Variants in CACNA1D observed in about 807,000 individuals in gnomAD.
The protein encoded by CACNA1D is voltage-dependent L-type calcium channel subunit alpha-1D.
A neutral mutation model predicts 257.1 loss-of-function variants in CACNA1D; 55 were observed. That is an observed-to-expected ratio of 0.21 (90% confidence interval 0.17 to 0.27). The LOEUF is 0.27. CACNA1D is among the 10% of genes least tolerant of loss of function. The probability of loss-of-function intolerance (pLI) is 1.00; values close to 1 mark genes in which losing one functional copy is unlikely to be tolerated. For missense variants in CACNA1D, 1,876 were observed against 2,784.0 expected (o/e 0.67, Z 7.34); for synonymous variants, 980 against 1,014.9 (o/e 0.97, Z 0.65).
chr3:53,726,828 G>A (rs540809681), intron 14 of CACNA1D, 51 bp from the exon 15 acceptor site: 19 of 1,613,908 alleles, frequency 1.2e-5, no homozygotes, highest in South Asian at 7.7e-5. Flanking sequence ...CTAAGAGAGC[G>A]GCTGCAATTT....
chr3:53,755,636 T>C lies in CACNA1D; in HGVS notation c.3786+1954T>C, dbSNP rs574907235. Among the ~76,000 whole-genome samples, 6 of 152,262 alleles carry C rather than the reference T, an allele frequency of 3.9e-5. No homozygotes were observed. In the East Asian group the frequency reaches 9.6e-4, roughly 24 times the overall value. On this transcript the variant is annotated intron_variant, in intron 29 of 47. Transcript: ENST00000350061. Reference sequence around the variant, plus strand: ...TTCATAGCATTAGACAACCTCACGTTACAATTGGGAGAACTTTTAAGACAG... The same window carrying C: ...TTCATAGCATTAGACAACCTCACGTCACAATTGGGAGAACTTTTAAGACAG...
At chr3:53,701,666 C>G (rs1232702206) in intron 8 of CACNA1D, among the ~76,000 whole-genome samples, 1 of 152,240 alleles carries the variant, frequency 6.6e-6, no homozygotes, top group African/African-American at 2.4e-5. Context: ...AAGTCTCTAA[C>G]TCACATATCT....
chr3:53,623,180 G>A (rs994302461), intron 3 of CACNA1D, among the ~76,000 whole-genome samples: 2 of 152,200 alleles, frequency 1.3e-5, no homozygotes, highest in Admixed American at 6.5e-5. Context: ...GAGCCACCGC[G>A]CCCGGCCGAA....
Position 53,500,044 on chromosome 3 carries a change from T to A in CACNA1D, c.378-1571T>A, listed in dbSNP as rs905578522. On this transcript the variant is annotated intron_variant, in intron 2 of 47. Coordinates refer to ENST00000350061, the MANE Select transcript of CACNA1D (RefSeq NM_001128840.3). Reference sequence around the variant, plus strand: ...AAGGGAATAATGTTATTCATTGCCTTTTTTTCGTTGAGTTATGAAAGCTCT... The same window carrying A: ...AAGGGAATAATGTTATTCATTGCCTATTTTTCGTTGAGTTATGAAAGCTCT... 9.2e-5 allele frequency among the ~76,000 whole-genome samples: 14 copies of A among 152,124 alleles called. 1 individual carries two copies. The South Asian group carries it at 1.7e-3, about 18-fold the overall frequency.
Position 53,548,370 on chromosome 3 carries a change from TTA to T in CACNA1D, c.483+46651_483+46652del, listed in dbSNP as rs1491183824. ...AACAAAGCTTTTTTTTTTTTTTTTT[TTA>T]AAAATTATCTTTAAAGAATCCATTT... On this transcript the variant is annotated intron_variant, in intron 3 of 47. Transcript: ENST00000350061. 9.9e-3 allele frequency among the ~76,000 whole-genome samples: 1,322 copies of T among 134,150 alleles called. 17 individuals are homozygous for T. The highest frequency in any genetic ancestry group is 0.013 in the Non-Finnish European group (850 of 66,158). The allele number at this position is 134,150 out of a possible 152,430, so 88.0% of individuals were successfully genotyped here. A position where few individuals can be genotyped will look rare whatever the true frequency, so the allele number is the denominator to read the frequency against.
At chr3:53,614,486 G>GGC (rs2093616002) in intron 3 of CACNA1D, among the ~76,000 whole-genome samples, 3 of 152,332 alleles carry the variant, frequency 2.0e-5, no homozygotes, top group Admixed American at 1.3e-4. Flanking sequence ...GTTGTCCACA[G>GGC]GCACTGTAGG....
intron 36 of CACNA1D, 42 bp downstream of exon 36, chr3:53,776,772 T>C: frequency 1.2e-6 from 2 of 1,614,162 alleles, no homozygotes; most frequent in Non-Finnish European, 1.7e-6. Flanking sequence ...TGGGTGGATT[T>C]TGGAATGTCA....
chr3:53,591,603 C>A (rs1174107233), intron 3 of CACNA1D, among the ~76,000 whole-genome samples: 1 of 152,176 alleles, frequency 6.6e-6, no homozygotes, highest in South Asian at 2.1e-4. Context: ...GGATATGTCT[C>A]CGGACTCTGA....
At chr3:53,738,585 G>T (rs900915738) in intron 20 of CACNA1D, among the ~76,000 whole-genome samples, 1 of 152,144 alleles carries the variant, frequency 6.6e-6, no homozygotes, top group African/African-American at 2.4e-5. Context: ...TAATTTACAT[G>T]GGGGTTTCAT....
chr3:53,780,477 G>A (rs900926376), intron 38 of CACNA1D, among the ~76,000 whole-genome samples: 2 of 152,228 alleles, frequency 1.3e-5, no homozygotes, highest in African/African-American at 4.8e-5. Context: ...GACCTGCAGT[G>A]AGGGATTTCA....
At chr3:53,754,781 G>C (rs926248254) in intron 29 of CACNA1D, among the ~76,000 whole-genome samples, 2 of 152,348 alleles carry the variant, frequency 1.3e-5, no homozygotes, top group Admixed American at 1.3e-4. Context: ...TAAGGTATCT[G>C]ACGACACTGA....
chr3:53,560,576 A>T (rs1336405599), intron 3 of CACNA1D, among the ~76,000 whole-genome samples: 1 of 152,206 alleles, frequency 6.6e-6, no homozygotes, highest in Non-Finnish European at 1.5e-5. Context: ...AGGACCAAAT[A>T]GTAAATATTT....
At chr3:53,772,617 TTG>T (rs1376851852) in intron 32 of CACNA1D, among the ~76,000 whole-genome samples, 1 of 152,242 alleles carries the variant, frequency 6.6e-6, no homozygotes, top group African/African-American at 2.4e-5. Flanking sequence ...GCCTGTAATA[TTG>T]TAACACTGGG....
chr3:53,754,906 C>G (rs1235539610), intron 29 of CACNA1D, among the ~76,000 whole-genome samples: 1 of 152,186 alleles, frequency 6.6e-6, no homozygotes, highest in Non-Finnish European at 1.5e-5. Context: ...TCTATGCAAT[C>G]TTTATCAGAT....
At chr3:53,724,936 T>C (rs913897814) in intron 14 of CACNA1D, among the ~76,000 whole-genome samples, 2 of 152,118 alleles carry the variant, frequency 1.3e-5, no homozygotes, top group African/African-American at 4.8e-5. Context: ...GTTTGAATTA[T>C]ACTTAAATTT....
At position 53,776,941 on chromosome 3, in the gene CACNA1D, C is replaced by G; in HGVS notation, c.4572C>G (p.His1524Gln). 6.2e-7 allele frequency: 1 copy of G among 1,613,562 alleles called. No homozygotes were observed. Among genetic ancestry groups the G allele is most frequent in the Non-Finnish European group, 8.5e-7 (1 of 1,179,474 alleles). ...PPLGFGKLCP[H>Q]RVACKRLVAM... is the part of the protein sequence containing the mutation. Reference sequence around the variant, plus strand: ...TGGGGTTTGGGAAGTTATGTCCACACAGGGTAGCGTGCAAGGTGAGTGTCC... The same window carrying G: ...TGGGGTTTGGGAAGTTATGTCCACAGAGGGTAGCGTGCAAGGTGAGTGTCC... The change falls in exon 37 of 48, where the codon CAC (histidine) becomes CAG (glutamine). Residue 1524 changes from histidine (H) to glutamine (Q), a missense_variant. Physicochemically the swap from His to Gln is conservative, Grantham distance 24 (BLOSUM62 0). This residue lies in a region of CACNA1D where 83 missense variants were observed against 210.7 expected (regional missense o/e 0.39). Coordinates refer to ENST00000350061, the MANE Select transcript of CACNA1D (RefSeq NM_001128840.3).
intron 3 of CACNA1D, among the ~76,000 whole-genome samples, chr3:53,553,571 A>G (rs2092579295): frequency 6.6e-6 from 1 of 152,212 alleles, no homozygotes; most frequent in Admixed American, 6.5e-5. Context: ...TTCTACGGGA[A>G]TGTTTTTTGA....
rs147742869 is a variant in CACNA1D at position 53,533,857 on chromosome 3, C to T, written c.483+32137C>T. Among the ~76,000 whole-genome samples, 13 of 152,294 alleles carry T rather than the reference C, an allele frequency of 8.5e-5. No homozygotes were observed. The East Asian group carries it at 2.1e-3, about 25-fold the overall frequency. On this transcript the variant is annotated intron_variant, in intron 3 of 47. Coordinates refer to ENST00000350061, the MANE Select transcript of CACNA1D (RefSeq NM_001128840.3). ...CACTTATTTGGCATTTCCTTCAATA[C>T]GCTGGGTACTGAGATGGTTACTGCA...
intron 3 of CACNA1D, among the ~76,000 whole-genome samples, chr3:53,631,128 C>T (rs576375237): frequency 6.6e-6 from 1 of 152,256 alleles, no homozygotes; most frequent in Admixed American, 6.5e-5. Context: ...AGGAAGTTTG[C>T]CACATGATAG....
Sources: allele counts gnomAD v4.1 joint callset (sites outside exome capture counted in the v4.1 genomes callset), GRCh38; gene constraint gnomAD v4.1.1; regional missense constraint gnomAD v4.1.1; transcripts MANE v1.5; gene names NCBI Gene and HGNC (gene_info 2026-07-23, HGNC 2026-07-21).